The following CCDC171 variants were observed in gnomAD, a reference collection of about 807,000 sequenced individuals.
CCDC171 encodes the protein coiled-coil domain-containing protein 171.
CCDC171 carries 177 observed loss-of-function variants against 168.2 expected under a neutral mutation model. The observed-to-expected ratio is 1.05, with a 90% CI of 0.93 to 1.19. The LOEUF (loss-of-function observed/expected upper bound fraction) is 1.19, where lower values mean the gene tolerates loss of function less well. CCDC171 is among the 50% of genes most tolerant of loss of function. CCDC171 has a pLI of 0.00. For missense variants in CCDC171, 1,991 were observed against 1,539.0 expected (o/e 1.29, Z -4.91); for synonymous variants, 687 against 540.8 (o/e 1.27, Z -3.75).
chr9:15,570,990 G>A (rs751840190), intron 2 of CCDC171, among the ~76,000 whole-genome samples: 10 of 152,018 alleles, frequency 6.6e-5, no homozygotes, highest in Non-Finnish European at 1.5e-4. Flanking sequence ...TTATTTTGTT[G>A]GCAGACTTTC....
intron 11 of CCDC171, among the ~76,000 whole-genome samples, chr9:15,708,413 A>ATC (rs1388279833): frequency 1.3e-5 from 2 of 152,236 alleles, no homozygotes; most frequent in African/African-American, 2.4e-5. Context: ...ATCCTATGAC[A>ATC]GTAGACAGAC....
At chr9:15,990,738 A>C (rs914376496) in intron 3 of CCDC171, among the ~76,000 whole-genome samples, 2 of 152,210 alleles carry the variant, frequency 1.3e-5, no homozygotes, top group African/African-American at 2.4e-5. Flanking sequence ...AAGATCTACC[A>C]AGCAAATGGA....
At chr9:15,826,657 A>G (rs1488082734) in intron 21 of CCDC171, among the ~76,000 whole-genome samples, 1 of 152,144 alleles carries the variant, frequency 6.6e-6, no homozygotes, top group East Asian at 1.9e-4. Context: ...GTCTCTTGCA[A>G]CAAGCTAGCA....
intron 24 of CCDC171, among the ~76,000 whole-genome samples, chr9:15,882,846 T>C (rs1818831325): frequency 6.7e-6 from 1 of 149,766 alleles, no homozygotes; most frequent in African/African-American, 2.5e-5. Flanking sequence ...TGTTGTCTGA[T>C]TTCTAGGTTT....
intron 1 of CCDC171, among the ~76,000 whole-genome samples, chr9:16,051,439 C>T (rs545266800): frequency 7.2e-5 from 11 of 152,302 alleles, no homozygotes; most frequent in African/African-American, 2.4e-4. Context: ...TCACCAAGGC[C>T]TGGGTAAGTT....
the CCDC171 span, among the ~76,000 whole-genome samples, chr9:16,093,086 A>C: frequency 6.6e-6 from 1 of 152,226 alleles, no homozygotes; most frequent in Non-Finnish European, 1.5e-5. Flanking sequence ...GCAGGAAAAC[A>C]AACCACGGGA....
upstream of CCDC171, among the ~76,000 whole-genome samples, chr9:16,041,707 A>C (rs768556614): frequency 6.6e-6 from 1 of 152,222 alleles, no homozygotes; most frequent in African/African-American, 2.4e-5. Flanking sequence ...AAATTTCCTT[A>C]TTGGTGATTT....
At chr9:15,653,653 C>G (rs1587757322) in intron 7 of CCDC171, among the ~76,000 whole-genome samples, 1 of 152,038 alleles carries the variant, frequency 6.6e-6, no homozygotes, top group South Asian at 2.1e-4. Context: ...AACACTAACC[C>G]CCACCCCTAA....
intron 21 of CCDC171, among the ~76,000 whole-genome samples, chr9:15,810,498 G>A (rs370865387): frequency 6.6e-6 from 1 of 151,710 alleles, no homozygotes; most frequent in Non-Finnish European, 1.5e-5. Flanking sequence ...GCCATGGGGT[G>A]GGGGGGTGGG....
In CCDC171 at chr9:15,813,066, TG is replaced by T. The variant is rs145131636; in HGVS notation, c.3267+28374del. On this transcript the variant is annotated intron_variant, in intron 21 of 25. Transcript: ENST00000380701. ...TGAACAGAATACTGAAATGGGTATT[TG>T]GTGGCCAAAAACGCAGCCTGTGGGC... is the stretch of plus-strand genomic sequence containing the variant. Among the ~76,000 whole-genome samples the T allele has an allele frequency of 7.8e-3, 1,180 of 152,254 alleles. 12 individuals are homozygous for T. Among genetic ancestry groups the T allele is most frequent in the African/African-American group, 0.027 (1,123 of 41,564 alleles).
At chr9:15,984,216 A>G (rs770774158) in intron 3 of CCDC171, among the ~76,000 whole-genome samples, 13 of 49,846 alleles carry the variant, frequency 2.6e-4, no homozygotes, top group Non-Finnish European at 4.4e-4. Context: ...GCTGTGGTCA[A>G]TGAGAAAGCA....
chr9:15,903,094 C>T (rs543784454), intron 24 of CCDC171, among the ~76,000 whole-genome samples: 86 of 152,336 alleles, frequency 5.6e-4, no homozygotes, highest in African/African-American at 1.9e-3. Flanking sequence ...CTGTAGACTC[C>T]ACCTCTGGGG....
chr9:15,782,431 G>C (rs929482672), intron 20 of CCDC171, among the ~76,000 whole-genome samples: 1 of 152,184 alleles, frequency 6.6e-6, no homozygotes, highest in African/African-American at 2.4e-5. Context: ...AATTGAGCCA[G>C]TCTCTGGGAC....
intron 1 of CCDC171, among the ~76,000 whole-genome samples, chr9:15,558,401 C>G (rs991675153): frequency 6.6e-6 from 1 of 152,036 alleles, no homozygotes; most frequent in Non-Finnish European, 1.5e-5. Flanking sequence ...ATTATTGCCT[C>G]AATTTCAGAA....
the CCDC171 span, among the ~76,000 whole-genome samples, chr9:16,095,899 T>TATATATATAC: frequency 5.7e-5 from 8 of 140,202 alleles, no homozygotes; most frequent in Non-Finnish European, 9.2e-5. Flanking sequence ...TATATATATA[T>TATATATATAC]ACTGCCTCCA....
At chr9:15,797,301 C>T (rs1485943063) in intron 21 of CCDC171, among the ~76,000 whole-genome samples, 2 of 152,174 alleles carry the variant, frequency 1.3e-5, no homozygotes. Flanking sequence ...ACTGCAACCT[C>T]TGCCTCCTGG....
chr9:15,686,529 TA>T (rs948167099), intron 10 of CCDC171, among the ~76,000 whole-genome samples: 14 of 148,798 alleles, frequency 9.4e-5, no homozygotes, highest in Admixed American at 5.3e-4. Flanking sequence ...AATAAAAAAA[TA>T]AAAAAAAGAT....
intron 25 of CCDC171, among the ~76,000 whole-genome samples, chr9:15,937,823 G>C (rs1262106407): frequency 1.3e-5 from 2 of 151,754 alleles, no homozygotes; most frequent in East Asian, 3.9e-4. Flanking sequence ...TTTTCTACTG[G>C]GTAAACTCAT....
intron 24 of CCDC171, among the ~76,000 whole-genome samples, chr9:15,904,552 C>G (rs1448923509): frequency 6.6e-6 from 1 of 152,056 alleles, no homozygotes. Context: ...CAACCAGTAC[C>G]AGCCACTGCA....
Sources: gnomAD v4.1 joint callset for allele counts (sites outside exome capture counted in the v4.1 genomes callset) on GRCh38, gnomAD v4.1.1 for gene constraint, MANE v1.5 for transcripts, NCBI Gene and HGNC (gene_info 2026-07-23, HGNC 2026-07-21) for gene names.